CD9: variants seen among roughly 807,000 people sequenced by gnomAD.
CD9 encodes the protein CD9 molecule, also known as CD9 antigen.
CD9 carries 10 observed loss-of-function variants against 31.4 expected under a neutral mutation model. The observed-to-expected ratio is 0.32, with a 90% CI of 0.20 to 0.54. The LOEUF is 0.54. CD9 is among the 20% of genes least tolerant of loss of function. CD9 has a pLI of 0.94. For synonymous variants in CD9, 113 were observed against 114.1 expected, an observed-to-expected ratio of 0.99 and a Z score of 0.06; for missense variants, 259 against 300.1, an observed-to-expected ratio of 0.86 and a Z score of 1.01.
intron 1 of CD9, among the ~76,000 whole-genome samples, chr12:6,201,954 C>T (rs1240251584): frequency 6.6e-6 from 1 of 152,232 alleles, no homozygotes; most frequent in Non-Finnish European, 1.5e-5. Context: ...GAGAGGATGG[C>T]ATGAGCCTGG....
intron 1 of CD9, among the ~76,000 whole-genome samples, chr12:6,221,171 C>T (rs145890928): frequency 1.8e-3 from 267 of 152,302 alleles, no homozygotes; most frequent in Middle Eastern, 0.01. Context: ...AAAAAATGAC[C>T]CTTTTCCTCT....
At chr12:6,208,771 T>C (rs893396879) in intron 1 of CD9, among the ~76,000 whole-genome samples, 1 of 151,946 alleles carries the variant, frequency 6.6e-6, no homozygotes, top group Non-Finnish European at 1.5e-5. Context: ...TCCATGTTGA[T>C]CAGGCCGGTC....
rs545589385 is a variant in CD9 at position 6,225,588 on chromosome 12, T to C, written c.175+54T>C. 38 of 1,219,844 alleles carry C rather than the reference T, an allele frequency of 3.1e-5. No individual in the cohort carries two copies. In the South Asian group the frequency reaches 4.0e-4, roughly 13 times the overall value. 75.6% of individuals were successfully genotyped at this position (1,219,844 alleles called of 1,614,324 possible). Reference sequence around the variant, plus strand: ...CAGACCCTGGCTCCAACAAAGTTCCTGCAACTTTGGAGGCCCCATGTTGAC... The same window carrying C: ...CAGACCCTGGCTCCAACAAAGTTCCCGCAACTTTGGAGGCCCCATGTTGAC... On this transcript the variant is annotated intron_variant, in intron 2 of 7. Transcript: ENST00000009180.
chr12:6,207,174 G>A (rs1445877310), intron 1 of CD9, among the ~76,000 whole-genome samples: 1 of 152,132 alleles, frequency 6.6e-6, no homozygotes, highest in African/African-American at 2.4e-5. Context: ...GAGCCACCAC[G>A]CCCAGCCTGA....
At position 6,217,621 on chromosome 12, in the gene CD9, A is replaced by G. The variant is rs79195132; in HGVS notation, c.67-7805A>G. Among the ~76,000 whole-genome samples the G allele has an allele frequency of 3.7e-3, 571 of 152,314 alleles. 3 individuals carry two copies. The highest frequency in any genetic ancestry group is 0.013 in the African/African-American group (549 of 41,564). On this transcript the variant is annotated intron_variant, in intron 1 of 7. Transcript: ENST00000009180. ...ACAGCTGTGCAGGCAGCAGCTCACT[A>G]TTCTTTCTATTAAGCCACCTGTCCC...
At chr12:6,224,360 T>TG (rs1214087769) in intron 1 of CD9, among the ~76,000 whole-genome samples, 3 of 152,158 alleles carry the variant, frequency 2.0e-5, no homozygotes, top group African/African-American at 4.8e-5. Context: ...CTTATGCTCC[T>TG]GGGGGGTAGG....
At chr12:6,212,967 G>C (rs1265931564) in intron 1 of CD9, among the ~76,000 whole-genome samples, 1 of 152,150 alleles carries the variant, frequency 6.6e-6, no homozygotes, top group Non-Finnish European at 1.5e-5. Context: ...CGGGCAAGGA[G>C]TTGTCTTGAT....
At chr12:6,227,157 G>A (rs1197977218) in intron 2 of CD9, among the ~76,000 whole-genome samples, 3 of 152,120 alleles carry the variant, frequency 2.0e-5, no homozygotes, top group African/African-American at 4.8e-5. Flanking sequence ...TGGGTAAGAG[G>A]ATGGAACTGG....
intron 1 of CD9, among the ~76,000 whole-genome samples, chr12:6,204,555 T>C (rs932449876): frequency 6.6e-6 from 1 of 152,142 alleles, no homozygotes; most frequent in African/African-American, 2.4e-5. Context: ...GGGTGGGGTC[T>C]CTCTCAGGGG....
At chr12:6,207,140 C>G (rs191897505) in intron 1 of CD9, among the ~76,000 whole-genome samples, 1 of 152,122 alleles carries the variant, frequency 6.6e-6, no homozygotes, top group Non-Finnish European at 1.5e-5. Context: ...CCTCGGACTC[C>G]CAAAGCACTG....
At chr12:6,220,447 A>C (rs1591970299) in intron 1 of CD9, among the ~76,000 whole-genome samples, 1 of 152,098 alleles carries the variant, frequency 6.6e-6, no homozygotes, top group East Asian at 1.9e-4. Flanking sequence ...GCCAGTGAGG[A>C]CTTGGAGGTG....
intron 1 of CD9, among the ~76,000 whole-genome samples, chr12:6,221,563 C>T (rs548351852): frequency 1.3e-5 from 2 of 152,270 alleles, no homozygotes; most frequent in African/African-American, 4.8e-5. Flanking sequence ...CTTGGCCTCC[C>T]GGACTCCTAT....
At chr12:6,214,035 C>A (rs11568216) in intron 1 of CD9, among the ~76,000 whole-genome samples, 11,493 of 152,238 alleles carry the variant, frequency 0.075, 1,439 homozygotes, top group African/African-American at 0.26. Context: ...TTCCCAGTCA[C>A]CCCCTGGCCA....
In CD9 at chr12:6,232,333, G is replaced by A. The variant is rs3181291; in HGVS notation, c.176-299G>A. ...TTGCATTCCGAATGTAGGGATTCCC[G>A]TGGATATTCTCTGTCCTGGATTGAG... On this transcript the variant is annotated intron_variant, in intron 2 of 7. Coordinates refer to ENST00000009180, the MANE Select transcript of CD9 (RefSeq NM_001769.4). This position sits in a 1 kb window ranked among gnomAD's most constrained non-coding sequence, Gnocchi z 4.8. The A allele has an allele frequency of 0.53, 252,252 of 471,702 alleles. 68,861 individuals carry two copies. The highest frequency in any genetic ancestry group is 0.69 in the African/African-American group (35,157 of 50,586). 29.2% of individuals were successfully genotyped at this position (471,702 alleles called of 1,614,324 possible). A position where few individuals can be genotyped will look rare whatever the true frequency, so the allele number is the denominator to read the frequency against.
chr12:6,235,443 T>C, intron 5 of CD9, 33 bp from the exon 6 acceptor site: 1 of 1,613,422 alleles, frequency 6.2e-7, no homozygotes, highest in Non-Finnish European at 8.5e-7. Context: ...ACAATTTGTT[T>C]CTCTCATCCC....
chr12:6,222,504 C>A (rs935796025), intron 1 of CD9, among the ~76,000 whole-genome samples: 3 of 152,218 alleles, frequency 2.0e-5, no homozygotes, highest in Non-Finnish European at 4.4e-5. Context: ...GACAACCAAG[C>A]CGCATGATGT....
chr12:6,209,678 T>A (rs1299824802), intron 1 of CD9, among the ~76,000 whole-genome samples: 1 of 127,982 alleles, frequency 7.8e-6, no homozygotes, highest in Non-Finnish European at 1.7e-5. Flanking sequence ...ACTGCAAATT[T>A]CTTTTTTTTT....
At chr12:6,215,840 T>C (rs561916340) in intron 1 of CD9, among the ~76,000 whole-genome samples, 1 of 152,342 alleles carries the variant, frequency 6.6e-6, no homozygotes, top group East Asian at 1.9e-4. Context: ...GTTGGGACGC[T>C]TAAGGAGAGC....
rs1946531923 is a variant in CD9, at chr12:6,237,053, A to G, written c.622-710A>G. On this transcript the variant is annotated intron_variant, in intron 7 of 7. Transcript: ENST00000009180. ...GAGTGCAGTGGTGTGATCTCGACTCACTGCAACCTCCGCCTCTCTGGGTTC... is the reference window on the plus strand; with the variant it reads ...GAGTGCAGTGGTGTGATCTCGACTCGCTGCAACCTCCGCCTCTCTGGGTTC... Among the ~76,000 whole-genome samples, 3 of 152,018 alleles carry G rather than the reference A, an allele frequency of 2.0e-5. No homozygotes were observed. The South Asian group carries it at 6.2e-4, about 32-fold the overall frequency.
Sources: gnomAD v4.1 joint callset for allele counts (sites outside exome capture counted in the v4.1 genomes callset) on GRCh38, gnomAD v4.1.1 for gene constraint, Gnocchi (gnomAD v3.1) non-coding constraint, MANE v1.5 for transcripts, NCBI Gene and HGNC (gene_info 2026-07-23, HGNC 2026-07-21) for gene names.